Variants in DPP10 observed in about 807,000 individuals in gnomAD.
DPP10 encodes the protein inactive dipeptidyl peptidase 10.
Under a neutral mutation model 120.9 loss-of-function variants are expected in DPP10, and 33 were observed. The ratio of observed to expected loss-of-function variants is 0.27; its 90% CI spans 0.21 to 0.37. The LOEUF is 0.37. DPP10 is among the 10% of genes least tolerant of loss of function. The pLI is 1.00. For missense variants in DPP10, 816 were observed against 942.8 expected (o/e 0.87, Z 1.76); for synonymous variants, 337 against 326.1 (o/e 1.03, Z -0.36).
At chr2:115,053,234 A>ATGTGGT in intron 1 of DPP10, among the ~76,000 whole-genome samples, 1 of 152,214 alleles carries the variant, frequency 6.6e-6, no homozygotes, top group South Asian at 2.1e-4. Context: ...TCAGCTGATG[A>ATGTGGT]ATGGGTAAAC....
chr2:114,868,413 C>T (rs1263056586), intron 1 of DPP10, among the ~76,000 whole-genome samples: 3 of 152,172 alleles, frequency 2.0e-5, no homozygotes, highest in Non-Finnish European at 4.4e-5. Flanking sequence ...TGACCTCATC[C>T]GTAAGGTGTT....
intron 1 of DPP10, among the ~76,000 whole-genome samples, chr2:114,852,151 CTTTTTTTTTTT>C (rs34580352): frequency 7.4e-5 from 4 of 53,728 alleles, no homozygotes; most frequent in Admixed American, 5.9e-4. Flanking sequence ...CGATTGCATC[CTTTTTTTTTTT>C]TTTTTTTTTT....
At chr2:115,418,465 A>G (rs888317218) in intron 3 of DPP10, among the ~76,000 whole-genome samples, 1 of 152,144 alleles carries the variant, frequency 6.6e-6, no homozygotes, top group African/African-American at 2.4e-5. Flanking sequence ...TGTTAGGATG[A>G]ACAAATCTAA....
intron 1 of DPP10, among the ~76,000 whole-genome samples, chr2:115,254,206 A>G (rs1032121244): frequency 3.9e-5 from 6 of 152,170 alleles, no homozygotes; most frequent in East Asian, 1.9e-4. Flanking sequence ...GAAACCTACA[A>G]TCATGGTGGA....
intron 8 of DPP10, among the ~76,000 whole-genome samples, chr2:115,734,044 T>G (rs2092974111): frequency 6.6e-6 from 1 of 152,220 alleles, no homozygotes; most frequent in African/African-American, 2.4e-5. Flanking sequence ...TATTAAAGAT[T>G]ATTTTATTTA....
At chr2:115,713,070 TG>T (rs1415561531) in intron 7 of DPP10, among the ~76,000 whole-genome samples, 1 of 152,022 alleles carries the variant, frequency 6.6e-6, no homozygotes, top group African/African-American at 2.4e-5. Flanking sequence ...GTAGTAAATC[TG>T]ATTGGAATGA....
intron 1 of DPP10, among the ~76,000 whole-genome samples, chr2:114,702,739 C>G (rs1037862011): frequency 1.3e-5 from 2 of 152,096 alleles, no homozygotes; most frequent in Non-Finnish European, 2.9e-5. Flanking sequence ...TTATCAGGCA[C>G]AGGTTTCTTG....
rs55782461 is a variant in DPP10 at position 115,011,009 on chromosome 2, T to TA, written c.61-298224dup. On this transcript the variant is annotated intron_variant, in intron 1 of 25. Coordinates refer to ENST00000410059, the MANE Select transcript of DPP10 (RefSeq NM_020868.6). ...TCTTTTCAATCAGTTTAACATGCTTTAAAAAACTTCTCTTTCGATTTTGTT... is the reference window on the plus strand; with the variant it reads ...TCTTTTCAATCAGTTTAACATGCTTTAAAAAAACTTCTCTTTCGATTTTGTT... Among the ~76,000 whole-genome samples the TA allele has an allele frequency of 3.3e-3, 498 of 152,342 alleles. 2 individuals carry two copies. Among genetic ancestry groups the TA allele is most frequent in the Middle Eastern group, 6.8e-3 (2 of 294 alleles).
chr2:115,115,624 A>G (rs1310643993), intron 1 of DPP10, among the ~76,000 whole-genome samples: 3 of 152,166 alleles, frequency 2.0e-5, no homozygotes, highest in Non-Finnish European at 2.9e-5. Flanking sequence ...TCTTTAGTAC[A>G]TGCAACTTCA....
intron 1 of DPP10, among the ~76,000 whole-genome samples, chr2:115,183,010 C>T (rs905834268): frequency 1.5e-4 from 17 of 113,600 alleles, no homozygotes; most frequent in East Asian, 4.5e-4. Context: ...AATATTTACA[C>T]GCACACACAC....
intron 13 of DPP10, among the ~76,000 whole-genome samples, chr2:115,768,909 A>C (rs72828581): frequency 0.025 from 3,786 of 152,056 alleles, 58 homozygotes; most frequent in Non-Finnish European, 0.037. Flanking sequence ...TTTTATGTTA[A>C]ATAACATAGA....
At chr2:115,017,971 G>A (rs182578611) in intron 1 of DPP10, among the ~76,000 whole-genome samples, 178 of 151,700 alleles carry the variant, frequency 1.2e-3, no homozygotes, top group Non-Finnish European at 2.2e-3. Flanking sequence ...CCTGCACGTT[G>A]CGCACATGTA....
At chr2:115,367,499 TTTAATA>T (rs2106380966) in intron 3 of DPP10, among the ~76,000 whole-genome samples, 1 of 152,146 alleles carries the variant, frequency 6.6e-6, no homozygotes, top group African/African-American at 2.4e-5. Flanking sequence ...CAGGCACAAT[TTTAATA>T]TTAACTATCA....
At chr2:115,563,133 A>C (rs2080793816) in intron 5 of DPP10, among the ~76,000 whole-genome samples, 1 of 152,192 alleles carries the variant, frequency 6.6e-6, no homozygotes, top group Non-Finnish European at 1.5e-5. Flanking sequence ...TAAACGTGTC[A>C]ATCAGTTACC....
intron 3 of DPP10, among the ~76,000 whole-genome samples, chr2:115,421,087 T>A (rs1003029457): frequency 6.8e-6 from 1 of 146,278 alleles, no homozygotes; most frequent in Non-Finnish European, 1.5e-5. Context: ...GTGGCCCTAT[T>A]TTTTTTTTTT....
At chr2:115,803,248 T>G (rs1366313884) in intron 19 of DPP10, among the ~76,000 whole-genome samples, 1 of 152,224 alleles carries the variant, frequency 6.6e-6, no homozygotes, top group Non-Finnish European at 1.5e-5. Flanking sequence ...AGACTAGGAT[T>G]GCAACCCCTG....
In DPP10 at chr2:115,592,579, A is replaced by C. The variant is rs140034262; in HGVS notation, c.441+66607A>C. 0.013 allele frequency among the ~76,000 whole-genome samples: 72 copies of C among 5,726 alleles called. 1 individual carries two copies. The East Asian group carries it at 0.24, about 19-fold the overall frequency. The allele number at this position is 5,726 out of a possible 152,430, so 3.8% of individuals were successfully genotyped here. On this transcript the variant is annotated intron_variant, in intron 5 of 25. Coordinates refer to ENST00000410059, the MANE Select transcript of DPP10 (RefSeq NM_020868.6). Reference sequence around the variant, plus strand: ...GAAACCCCGTCTCTGCTAAAAAAAAACAAAAAAAACAAAAAAAAAAACAAA... The same window carrying C: ...GAAACCCCGTCTCTGCTAAAAAAAACCAAAAAAAACAAAAAAAAAAACAAA...
At chr2:114,999,316 C>T (rs1338021756) in intron 1 of DPP10, among the ~76,000 whole-genome samples, 1 of 152,150 alleles carries the variant, frequency 6.6e-6, no homozygotes, top group Admixed American at 6.5e-5. Context: ...CTGCCATTAT[C>T]TCTCTCCCGG....
chr2:114,570,277 G>C (rs1338477592), intron 1 of DPP10, among the ~76,000 whole-genome samples: 1 of 152,152 alleles, frequency 6.6e-6, no homozygotes, highest in Non-Finnish European at 1.5e-5. Flanking sequence ...AGCAGAAAAT[G>C]TGGACTGGAA....
Sources: allele counts gnomAD v4.1 joint callset (sites outside exome capture counted in the v4.1 genomes callset), GRCh38; gene constraint gnomAD v4.1.1; transcripts MANE v1.5; gene names NCBI Gene and HGNC (gene_info 2026-07-23, HGNC 2026-07-21).